Variants in FAM185A observed in about 807,000 individuals in gnomAD.
FAM185A encodes the protein protein FAM185A.
In FAM185A, 21 loss-of-function variants were observed where a neutral mutation model predicts 45.7. The observed-to-expected ratio is 0.46, with a 90% CI of 0.33 to 0.66. The LOEUF (loss-of-function observed/expected upper bound fraction) is 0.66, where lower values mean the gene tolerates loss of function less well. Among genes scored for constraint, FAM185A ranks in the 30% least tolerant of loss-of-function variants. The pLI, the probability that FAM185A is intolerant of heterozygous loss-of-function variation, is 0.03. For synonymous variants in FAM185A, 117 were observed against 194.0 expected (o/e 0.60, Z 3.30); for missense variants, 305 against 485.4 (o/e 0.63, Z 3.49).
chr7:102,749,077 T>A lies in FAM185A; in HGVS notation c.-131T>A, dbSNP rs369592665. ...CGCCTAGTCAAGCCAACCGGCTCGC[T>A]CTTGTTTCAGCAAACCCTGACTTAC... On this transcript the variant is annotated 5_prime_UTR_variant, in exon 1 of 8. Coordinates refer to ENST00000413034, the MANE Select transcript of FAM185A (RefSeq NM_001145268.2). 3.1e-4 allele frequency: 423 copies of A among 1,372,384 alleles called. 1 individual carries two copies. In the African/African-American group the frequency reaches 5.1e-3, roughly 17 times the overall value. 85.0% of individuals were successfully genotyped at this position (1,372,384 alleles called of 1,614,324 possible).
At chr7:102,806,611 A>C (rs538634641) in intron 7 of FAM185A, among the ~76,000 whole-genome samples, 2 of 152,286 alleles carry the variant, frequency 1.3e-5, no homozygotes, top group Admixed American at 6.5e-5. Flanking sequence ...ACAGGCCCTT[A>C]CAAGCGGTCC....
intron 7 of FAM185A, among the ~76,000 whole-genome samples, chr7:102,791,178 G>A (rs1253160234): frequency 6.6e-6 from 1 of 151,836 alleles, no homozygotes; most frequent in African/African-American, 2.4e-5. Flanking sequence ...AGAGCATTGG[G>A]AAGCCCTTGG....
chr7:102,790,114 C>CT (rs1796058586), intron 7 of FAM185A, among the ~76,000 whole-genome samples: 1 of 151,980 alleles, frequency 6.6e-6, no homozygotes, highest in African/African-American at 2.4e-5. Flanking sequence ...GATATACACT[C>CT]TAACGATAAA....
the FAM185A span, among the ~76,000 whole-genome samples, chr7:102,825,138 C>A: frequency 1.6e-3 from 251 of 152,214 alleles, no homozygotes; most frequent in Non-Finnish European, 2.3e-3. Flanking sequence ...AAGTTTTGGA[C>A]TGTTACCCTT....
chr7:102,848,542 C>T, the FAM185A span, among the ~76,000 whole-genome samples: 8 of 25,594 alleles, frequency 3.1e-4, no homozygotes, highest in East Asian at 2.5e-3. Flanking sequence ...GGCGACAGAG[C>T]GAGACTCCGT....
chr7:102,799,727 G>T (rs1796660683), intron 7 of FAM185A, among the ~76,000 whole-genome samples: 1 of 152,206 alleles, frequency 6.6e-6, no homozygotes, highest in South Asian at 2.1e-4. Context: ...TGTAGCAAGA[G>T]AAGGGAAAGT....
chr7:102,833,431 G>A, the FAM185A span, among the ~76,000 whole-genome samples: 30 of 143,950 alleles, frequency 2.1e-4, no homozygotes, highest in East Asian at 5.6e-3. Flanking sequence ...TTCTGAGCCT[G>A]TTTCCTTTTT....
At chr7:102,791,481 C>G (rs1405283206) in intron 7 of FAM185A, among the ~76,000 whole-genome samples, 1 of 152,160 alleles carries the variant, frequency 6.6e-6, no homozygotes, top group Admixed American at 6.5e-5. Context: ...TATTATGAAG[C>G]GCCTTAGCCT....
At chr7:102,811,512 G>T (rs1797433710), downstream of FAM185A, among the ~76,000 whole-genome samples, 1 of 152,122 alleles carries the variant, frequency 6.6e-6, no homozygotes. Context: ...TGTGTCTTCT[G>T]TTCTTGTTTA....
intron 7 of FAM185A, among the ~76,000 whole-genome samples, chr7:102,787,815 A>G (rs1225006888): frequency 6.6e-6 from 1 of 152,216 alleles, no homozygotes; most frequent in Non-Finnish European, 1.5e-5. Context: ...GACTGGAGTA[A>G]ATCGGAATTT....
chr7:102,849,901 G>A, the FAM185A span, among the ~76,000 whole-genome samples: 7 of 151,686 alleles, frequency 4.6e-5, no homozygotes, highest in African/African-American at 1.5e-4. Context: ...GGTGAGGGGA[G>A]GGAACTCAGA....
the FAM185A span, among the ~76,000 whole-genome samples, chr7:102,817,682 C>A: frequency 2.0e-5 from 3 of 152,284 alleles, no homozygotes; most frequent in Admixed American, 2.0e-4. Context: ...CCTCCCCTTT[C>A]TCTCTTAATA....
At chr7:102,767,715 A>G (rs1562852398) in intron 4 of FAM185A, among the ~76,000 whole-genome samples, 1 of 152,144 alleles carries the variant, frequency 6.6e-6, no homozygotes, top group Admixed American at 6.5e-5. Context: ...TAATTTATAC[A>G]TCCATCTGGC....
At chr7:102,812,835 GGCT>G (rs1183389160), downstream of FAM185A, among the ~76,000 whole-genome samples, 1 of 148,796 alleles carries the variant, frequency 6.7e-6, no homozygotes, top group East Asian at 2.0e-4. Context: ...TACTTGATTT[GGCT>G]TCTTTTTTTT....
the FAM185A span, among the ~76,000 whole-genome samples, chr7:102,830,199 A>G: frequency 6.6e-6 from 1 of 152,192 alleles, no homozygotes; most frequent in African/African-American, 2.4e-5. Flanking sequence ...ATAACAAAAA[A>G]CAAAAAACCA....
At chr7:102,810,541 C>A (rs1397095074), downstream of FAM185A, among the ~76,000 whole-genome samples, 1 of 151,422 alleles carries the variant, frequency 6.6e-6, no homozygotes, top group South Asian at 2.1e-4. Context: ...CAGGAGAAGT[C>A]CATTCTTAAA....
At chr7:102,811,399 C>A (rs1281202979), downstream of FAM185A, among the ~76,000 whole-genome samples, 2 of 152,200 alleles carry the variant, frequency 1.3e-5, no homozygotes, top group African/African-American at 4.8e-5. Flanking sequence ...TAAAAGATTT[C>A]TCTACCTGTA....
At chr7:102,834,097 A>G in the FAM185A span, among the ~76,000 whole-genome samples, 2,173 of 97,948 alleles carry the variant, frequency 0.022, 58 homozygotes, top group Non-Finnish European at 0.024. Flanking sequence ...AAAGAAAGAA[A>G]GAAAGAAAGA....
rs938287112 is a variant in FAM185A, at chr7:102,785,126, C to T, written c.932-2209C>T. Among the ~76,000 whole-genome samples, 383 of 151,968 alleles carry T rather than the reference C, an allele frequency of 2.5e-3. 4 individuals are homozygous for T. Among genetic ancestry groups the T allele is most frequent in the Admixed American group, 6.9e-3 (105 of 15,260 alleles). On this transcript the variant is annotated intron_variant, in intron 6 of 7. Coordinates refer to ENST00000413034, the MANE Select transcript of FAM185A (RefSeq NM_001145268.2). ...ACCTAGGAATTCAACTTACAAGGGA[C>T]GTGAAGGACCTTTTCAAGGAGAACT... is the stretch of plus-strand genomic sequence containing the variant.
Sources: gnomAD v4.1 joint callset for allele counts (sites outside exome capture counted in the v4.1 genomes callset) on GRCh38, gnomAD v4.1.1 for gene constraint, MANE v1.5 for transcripts, NCBI Gene and HGNC (gene_info 2026-07-23, HGNC 2026-07-21) for gene names.